PDCD6: variants seen among roughly 807,000 people sequenced by gnomAD.
The protein encoded by PDCD6 is programmed cell death protein 6.
In PDCD6, 12 loss-of-function variants were observed where a neutral mutation model predicts 28.3. The observed-to-expected ratio is 0.42, with a 90% CI of 0.27 to 0.69. The LOEUF is 0.69. Ranked by LOEUF, PDCD6 falls within the 30% of genes least tolerant of loss-of-function variation. The probability of loss-of-function intolerance (pLI) is 0.22; values close to 1 mark genes in which losing one functional copy is unlikely to be tolerated. For synonymous variants in PDCD6, 92 were observed against 108.0 expected (o/e 0.85, Z 0.92); for missense variants, 226 against 269.9 (o/e 0.84, Z 1.14).
chr5:314,458 C>T lies in PDCD6; in HGVS notation c.519C>T (p.Asp173=), dbSNP rs144783509. The T allele has an allele frequency of 5.6e-6, 9 of 1,613,836 alleles. No individual in the cohort carries two copies. The highest frequency in any genetic ancestry group is 1.7e-5 in the Admixed American group (1 of 60,024). ...TCAGACGTTACGACACGGATCAGGA[C>T]GGCTGGATTCAGGTGTCGTACGAAC... is the stretch of plus-strand genomic sequence containing the variant. ...DIFRRYDTDQ[D]GWIQVSYEQY... The change falls in exon 6 of 6, where the codon GAC becomes GAT. Residue 173 remains aspartate (D), a synonymous_variant. Coordinates refer to ENST00000264933, the MANE Select transcript of PDCD6 (RefSeq NM_013232.4).
chr5:294,508 T>A (rs1739485592), intron 2 of PDCD6, among the ~76,000 whole-genome samples: 1 of 152,208 alleles, frequency 6.6e-6, no homozygotes, highest in Non-Finnish European at 1.5e-5. Context: ...TGCAAATCTA[T>A]TAAAATGGCT....
In PDCD6 at chr5:314,581, A is replaced by G. The variant is rs1280443552; in HGVS notation, c.*66A>G. ...CAAAATGTCACAGTTCCTATCTGTG[A>G]GGGAATGGAGCACAGGTGCAGTTAG... On this transcript the variant is annotated 3_prime_UTR_variant, in exon 6 of 6. Transcript: ENST00000264933. The G allele has an allele frequency of 4.4e-6, 5 of 1,132,060 alleles. No homozygotes were observed. Among genetic ancestry groups the G allele is most frequent in the Non-Finnish European group, 6.7e-6 (5 of 745,516 alleles). The allele number at this position is 1,132,060 out of a possible 1,614,324, so 70.1% of individuals were successfully genotyped here.
chr5:289,351 T>C (rs1739177393), intron 2 of PDCD6: 3 of 561,626 alleles, frequency 5.3e-6, no homozygotes, highest in African/African-American at 1.9e-5. Flanking sequence ...ACGAAAGCAA[T>C]GAATACAAGA....
intron 2 of PDCD6, among the ~76,000 whole-genome samples, chr5:286,014 G>C (rs919433274): frequency 2.0e-5 from 3 of 150,274 alleles, no homozygotes; most frequent in African/African-American, 7.4e-5. Flanking sequence ...TGTTGTTCTA[G>C]TTTTAGGGCC....
chr5:314,389 G>T, intron 5 of PDCD6, 28 bp from the exon 6 acceptor site: 1 of 1,536,240 alleles, frequency 6.5e-7, no homozygotes, highest in Non-Finnish European at 9.0e-7. Flanking sequence ...ATTTACTATC[G>T]AGATTTAAAT....
At chr5:282,272 CGGG>C (rs56327944) in intron 2 of PDCD6, among the ~76,000 whole-genome samples, 59 of 76,836 alleles carry the variant, frequency 7.7e-4, no homozygotes, top group South Asian at 2.3e-3. Flanking sequence ...GCGGAAAAAT[CGGG>C]GGGGGGGGAG....
chr5:277,912 C>CAAAA (rs529926870), intron 2 of PDCD6, among the ~76,000 whole-genome samples: 21 of 111,006 alleles, frequency 1.9e-4, no homozygotes, highest in African/African-American at 7.5e-4. Flanking sequence ...GACTCCATCT[C>CAAAA]AAAAAAAAAA....
rs1740620340 is a variant in PDCD6, at chr5:307,781, G to A, written c.367+1021G>A. 6.6e-6 allele frequency among the ~76,000 whole-genome samples: 1 copy of A among 152,044 alleles called. No homozygotes were observed. The highest frequency in any genetic ancestry group is 1.5e-5 in the Non-Finnish European group (1 of 68,010). ...GATCCCTGGAGTCTCACTTATCTAA[G>A]CACGTCGCCTCTCCTCGTGTTTCCT... On this transcript the variant is annotated intron_variant, in intron 4 of 5. Transcript: ENST00000264933. The surrounding 1 kb of genome is among the most constrained non-coding windows in gnomAD (Gnocchi z 6.1).
chr5:289,050 T>G, intron 2 of PDCD6: 2 of 1,297,552 alleles, frequency 1.5e-6, no homozygotes, highest in Non-Finnish European at 2.2e-6. Context: ...TTCCTCCATT[T>G]GATTATTTTC....
At chr5:280,962 A>T (rs1165057637) in intron 2 of PDCD6, among the ~76,000 whole-genome samples, 1 of 152,266 alleles carries the variant, frequency 6.6e-6, no homozygotes, top group South Asian at 2.1e-4. Flanking sequence ...GTTGGGATTA[A>T]TGTGTATTCT....
chr5:309,937 G>A (rs1405541875), intron 4 of PDCD6: 3 of 119,822 alleles, frequency 2.5e-5, no homozygotes, highest in East Asian at 2.6e-4. Flanking sequence ...CGCCGTCCCC[G>A]TGCACCCCAG....
At chr5:312,252 G>A (rs1740971276) in intron 5 of PDCD6, 1 of 152,172 alleles carries the variant, frequency 6.6e-6, no homozygotes, top group South Asian at 2.1e-4. Flanking sequence ...GGAGAGCAGG[G>A]CTCAGGGGAC....
intron 2 of PDCD6, chr5:272,988 C>G (rs1288976973): frequency 4.6e-5 from 37 of 804,426 alleles, no homozygotes; most frequent in Non-Finnish European, 6.4e-5. Flanking sequence ...CAACTGCGTG[C>G]GTGAGCACAG....
At chr5:274,980 C>T (rs1158900835) in intron 2 of PDCD6, among the ~76,000 whole-genome samples, 1 of 152,220 alleles carries the variant, frequency 6.6e-6, no homozygotes, top group Non-Finnish European at 1.5e-5. Flanking sequence ...TTAACCCAAG[C>T]TGTGTATCGG....
rs545705180 is a variant in PDCD6, at chr5:285,328, C to T, written c.163+12556C>T. On this transcript the variant is annotated intron_variant, in intron 2 of 5. Transcript: ENST00000264933. ...TTTGAGGGCCATGCAGCTGGATACC[C>T]GGCTGGGAGCTGATGTTGCAGTTTG... 1.1e-4 allele frequency among the ~76,000 whole-genome samples: 16 copies of T among 151,784 alleles called. No individual in the cohort carries two copies. The East Asian group carries it at 1.2e-3, about 11-fold the overall frequency.
intron 2 of PDCD6, among the ~76,000 whole-genome samples, chr5:302,309 G>T (rs1439466236): frequency 2.2e-4 from 21 of 95,572 alleles, no homozygotes; most frequent in South Asian, 1.5e-3. Flanking sequence ...TGTGTGTGTG[G>T]GCCTCAGGTT....
At chr5:291,400 T>C (rs1229915539) in intron 2 of PDCD6, among the ~76,000 whole-genome samples, 159 of 137,560 alleles carry the variant, frequency 1.2e-3, no homozygotes, top group Middle Eastern at 4.3e-3. Context: ...ACTGACATGG[T>C]TCATTTTCAT....
chr5:295,744 G>A (rs912375169), intron 2 of PDCD6, among the ~76,000 whole-genome samples: 6 of 146,576 alleles, frequency 4.1e-5, no homozygotes, highest in Admixed American at 6.9e-5. Context: ...CCCTGTTCCC[G>A]GAATGCAGGG....
Position 305,692 on chromosome 5 carries a change from G to T in PDCD6, c.209-910G>T, listed in dbSNP as rs760383625. The T allele has an allele frequency of 1.3e-5, 2 of 152,220 alleles. No homozygotes were observed. Among genetic ancestry groups the T allele is most frequent in the Non-Finnish European group, 2.9e-5 (2 of 68,062 alleles). The allele number at this position is 152,220 out of a possible 1,614,324, so 9.4% of individuals were successfully genotyped here. ...GTCCACACACACTGCACACATCGTG[G>T]AATGGTCGTATGAAAAACAGCCCCT... On this transcript the variant is annotated intron_variant, in intron 3 of 5. Transcript: ENST00000264933. This position sits in a 1 kb window ranked among gnomAD's most constrained non-coding sequence, Gnocchi z 4.0.
Sources: allele counts gnomAD v4.1 joint callset (sites outside exome capture counted in the v4.1 genomes callset), GRCh38; gene constraint gnomAD v4.1.1; non-coding constraint Gnocchi (gnomAD v3.1); transcripts MANE v1.5; gene names NCBI Gene and HGNC (gene_info 2026-07-23, HGNC 2026-07-21).